Variants in PACRG observed in about 807,000 individuals in gnomAD.
PACRG encodes parkin coregulated gene protein.
PACRG carries 29 observed loss-of-function variants against 29.7 expected under a neutral mutation model. The observed-to-expected ratio is 0.98, with a 90% confidence interval of 0.73 to 1.33. The LOEUF is 1.33. Ranked by LOEUF, PACRG falls within the 40% of genes most tolerant of loss-of-function variation. PACRG has a pLI of 0.00. For synonymous variants in PACRG, 116 were observed against 118.7 expected, an observed-to-expected ratio of 0.98 and a Z score of 0.15; for missense variants, 279 against 316.2, an observed-to-expected ratio of 0.88 and a Z score of 0.89.
At chr6:162,728,501 T>C (rs1779460892) in intron 1 of PACRG, 110 bp downstream of exon 1, 2 of 1,380,970 alleles carry the variant, frequency 1.4e-6, no homozygotes, top group East Asian at 2.3e-5. Flanking sequence ...GGGTGGTCTT[T>C]GCCAAAAAAG....
intron 1 of PACRG, among the ~76,000 whole-genome samples, chr6:162,794,891 A>G (rs906812786): frequency 2.0e-5 from 3 of 152,196 alleles, no homozygotes; most frequent in South Asian, 2.1e-4. Context: ...GATGCATTCT[A>G]TGGTACATTA....
At chr6:163,224,608 G>A (rs987193398) in intron 4 of PACRG, among the ~76,000 whole-genome samples, 1 of 152,036 alleles carries the variant, frequency 6.6e-6, no homozygotes, top group Admixed American at 6.6e-5. Context: ...TTCAATAAAT[G>A]GTATTGAGAA....
chr6:162,911,111 A>G (rs890920606), intron 2 of PACRG, among the ~76,000 whole-genome samples: 20 of 152,222 alleles, frequency 1.3e-4, no homozygotes, highest in African/African-American at 4.8e-4. Flanking sequence ...ATCGATATCA[A>G]TTTGTTTTCA....
chr6:162,977,866 A>G (rs967561311), intron 2 of PACRG, among the ~76,000 whole-genome samples: 4 of 152,190 alleles, frequency 2.6e-5, no homozygotes, highest in Non-Finnish European at 4.4e-5. Flanking sequence ...GTTTATGGCC[A>G]GGCACAGTGG....
intron 2 of PACRG, among the ~76,000 whole-genome samples, chr6:162,995,416 G>C (rs1803914771): frequency 1.3e-5 from 2 of 152,272 alleles, no homozygotes; most frequent in South Asian, 4.1e-4. Flanking sequence ...AGGACCCTCA[G>C]AGCCAGGTGT....
chr6:162,915,905 G>A (rs1332100513), intron 2 of PACRG, among the ~76,000 whole-genome samples: 2 of 152,000 alleles, frequency 1.3e-5, no homozygotes, highest in Non-Finnish European at 2.9e-5. Flanking sequence ...TATAATTTTA[G>A]TGCTAATGAG....
At chr6:162,844,725 A>G (rs1790199069) in intron 2 of PACRG, among the ~76,000 whole-genome samples, 1 of 152,198 alleles carries the variant, frequency 6.6e-6, no homozygotes, top group Non-Finnish European at 1.5e-5. Context: ...AGCTGTCACC[A>G]TTACAAATTA....
intron 1 of PACRG, among the ~76,000 whole-genome samples, chr6:162,734,591 G>C (rs917184890): frequency 2.6e-5 from 4 of 151,722 alleles, no homozygotes; most frequent in African/African-American, 9.7e-5. Context: ...TATATAATAG[G>C]GCTAGTGATC....
intron 2 of PACRG, among the ~76,000 whole-genome samples, chr6:163,050,607 A>G (rs1809902955): frequency 6.6e-6 from 1 of 152,162 alleles, no homozygotes; most frequent in South Asian, 2.1e-4. Flanking sequence ...AATACCCTTC[A>G]GTCTTAGTCA....
chr6:163,203,413 AAAAC>A (rs139563142), intron 4 of PACRG, among the ~76,000 whole-genome samples: 18 of 152,160 alleles, frequency 1.2e-4, no homozygotes, highest in African/African-American at 4.3e-4. Context: ...TTCCGTCTCA[AAAAC>A]AAACAAACAA....
chr6:163,113,194 C>CCT (rs1214981218), intron 4 of PACRG, among the ~76,000 whole-genome samples: 1 of 152,052 alleles, frequency 6.6e-6, no homozygotes, highest in Non-Finnish European at 1.5e-5. Flanking sequence ...ATTACAGAAT[C>CCT]TGAGGAATAG....
At chr6:163,128,830 A>G (rs1343066947) in intron 4 of PACRG, among the ~76,000 whole-genome samples, 4 of 152,212 alleles carry the variant, frequency 2.6e-5, no homozygotes, top group Non-Finnish European at 5.9e-5. Context: ...TTTTTGCTCC[A>G]TATCATCAAG....
At chr6:162,815,792 C>A (rs1056637149) in intron 2 of PACRG, among the ~76,000 whole-genome samples, 2 of 151,996 alleles carry the variant, frequency 1.3e-5, no homozygotes, top group African/African-American at 4.8e-5. Context: ...TGTCTATGTA[C>A]TGGCTCATAG....
At chr6:163,306,102 TC>T (rs752878106) in intron 4 of PACRG, among the ~76,000 whole-genome samples, 1 of 152,192 alleles carries the variant, frequency 6.6e-6, no homozygotes, top group Non-Finnish European at 1.5e-5. Flanking sequence ...ACCTCAATTT[TC>T]TCCCCTGTGA....
rs149227992 is a variant in PACRG, at chr6:163,295,811, TC to T, written c.614-19013del. ...CCTGGGAGGAATATTCGAGAGTTTT[TC>T]CCATCTTCTTCAGCATCATGGCCAA... On this transcript the variant is annotated intron_variant, in intron 4 of 4. Coordinates refer to ENST00000366888, the MANE Select transcript of PACRG (RefSeq NM_001080379.2). Among the ~76,000 whole-genome samples the T allele has an allele frequency of 2.5e-3, 387 of 152,276 alleles. 4 individuals carry two copies. The highest frequency in any genetic ancestry group is 7.5e-3 in the African/African-American group (311 of 41,548).
intron 2 of PACRG, among the ~76,000 whole-genome samples, chr6:162,858,842 C>T (rs994453652): frequency 7.2e-5 from 11 of 152,200 alleles, no homozygotes; most frequent in Middle Eastern, 3.4e-3. Context: ...GAAGTGAGGC[C>T]GCAGGTCAAA....
intron 1 of PACRG, 91 bp downstream of exon 1, chr6:162,728,482 C>T: frequency 1.3e-6 from 2 of 1,483,658 alleles, no homozygotes; most frequent in Non-Finnish European, 1.8e-6. Flanking sequence ...GGACTCTGAG[C>T]CATGTCCTGG....
chr6:163,248,025 C>A (rs1286132379), intron 4 of PACRG, among the ~76,000 whole-genome samples: 1 of 152,134 alleles, frequency 6.6e-6, no homozygotes, highest in Non-Finnish European at 1.5e-5. Flanking sequence ...CCAGGTAAAG[C>A]CAAAGACTCG....
chr6:162,763,211 T>C lies in PACRG; in HGVS notation c.156+34820T>C, dbSNP rs570192783. Reference sequence around the variant, plus strand: ...TGTTAGAGAGAACATAAAATGATTATGGCTTGCAGTAAATGTTATTATGGA... The same window carrying C: ...TGTTAGAGAGAACATAAAATGATTACGGCTTGCAGTAAATGTTATTATGGA... On this transcript the variant is annotated intron_variant, in intron 1 of 4. Transcript: ENST00000366888. Among the ~76,000 whole-genome samples, 18 of 152,326 alleles carry C rather than the reference T, an allele frequency of 1.2e-4. No homozygotes were observed. In the East Asian group the frequency reaches 3.5e-3, roughly 29 times the overall value.
Sources: gnomAD v4.1 joint callset for allele counts (sites outside exome capture counted in the v4.1 genomes callset) on GRCh38, gnomAD v4.1.1 for gene constraint, MANE v1.5 for transcripts, NCBI Gene and HGNC (gene_info 2026-07-23, HGNC 2026-07-21) for gene names.